SLC9A9: variants seen among roughly 807,000 people sequenced by gnomAD.
The protein encoded by SLC9A9 is solute carrier family 9 member A9.
Under a neutral mutation model 77.8 loss-of-function variants are expected in SLC9A9, and 62 were observed. That is an observed-to-expected ratio of 0.80 (90% CI 0.65 to 0.98). SLC9A9 has a LOEUF of 0.98. Among genes scored for constraint, SLC9A9 ranks in the 50% least tolerant of loss-of-function variants. The probability of loss-of-function intolerance (pLI) is 0.00; values close to 1 mark genes in which losing one functional copy is unlikely to be tolerated. For missense variants in SLC9A9, 775 were observed against 774.9 expected (o/e 1.00, Z 0.00); for synonymous variants, 320 against 283.5 (o/e 1.13, Z -1.29).
At chr3:143,594,400 T>C (rs1339769917) in intron 6 of SLC9A9, among the ~76,000 whole-genome samples, 8 of 152,224 alleles carry the variant, frequency 5.3e-5, no homozygotes, top group African/African-American at 1.9e-4. Flanking sequence ...ATGTATCTTA[T>C]TTACATTATT....
At chr3:143,528,127 T>C (rs2036436506) in intron 9 of SLC9A9, among the ~76,000 whole-genome samples, 2 of 152,214 alleles carry the variant, frequency 1.3e-5, no homozygotes, top group South Asian at 2.1e-4. Context: ...TTACTCAATG[T>C]AGAGAAAACT....
At chr3:143,701,901 A>G (rs1039507088) in intron 4 of SLC9A9, among the ~76,000 whole-genome samples, 1 of 152,150 alleles carries the variant, frequency 6.6e-6, no homozygotes, top group Admixed American at 6.5e-5. Flanking sequence ...TAAAGAAAGG[A>G]CCCTAAAAGC....
chr3:143,309,417 C>CA (rs10569058), intron 14 of SLC9A9, among the ~76,000 whole-genome samples: 11,061 of 137,222 alleles, frequency 0.081, 543 homozygotes, highest in Non-Finnish European at 0.12. Context: ...AACAGAAAAG[C>CA]AAAAAAAAAA....
chr3:143,401,136 T>C (rs1263044464), intron 12 of SLC9A9, among the ~76,000 whole-genome samples: 5 of 152,122 alleles, frequency 3.3e-5, no homozygotes, highest in African/African-American at 7.2e-5. Context: ...GTTTAGCCAA[T>C]AGGAAGTACT....
intron 9 of SLC9A9, among the ~76,000 whole-genome samples, chr3:143,515,517 T>C (rs748381764): frequency 6.6e-6 from 1 of 152,216 alleles, no homozygotes; most frequent in South Asian, 2.1e-4. Flanking sequence ...CACCAGCATA[T>C]ACGATGTTTT....
chr3:143,802,026 G>A (rs535709173), intron 2 of SLC9A9, among the ~76,000 whole-genome samples: 3 of 152,218 alleles, frequency 2.0e-5, no homozygotes, highest in South Asian at 2.1e-4. Context: ...CATTGCCCTC[G>A]GCAACGCTTA....
intron 11 of SLC9A9, among the ~76,000 whole-genome samples, chr3:143,471,956 G>A (rs2035384952): frequency 6.6e-6 from 1 of 152,194 alleles, no homozygotes; most frequent in Non-Finnish European, 1.5e-5. Flanking sequence ...TGCAGAAAAT[G>A]TGCAGCTTCC....
At chr3:143,322,283 C>A (rs1336194804) in intron 14 of SLC9A9, among the ~76,000 whole-genome samples, 1 of 152,058 alleles carries the variant, frequency 6.6e-6, no homozygotes, top group Non-Finnish European at 1.5e-5. Context: ...TGTGGGTGGA[C>A]CTCACCAGTT....
intron 2 of SLC9A9, among the ~76,000 whole-genome samples, chr3:143,821,383 C>T (rs1576751639): frequency 6.6e-6 from 1 of 152,072 alleles, no homozygotes; most frequent in East Asian, 1.9e-4. Flanking sequence ...AGAAATTAAC[C>T]CACCAAAGGT....
chr3:143,339,951 A>T (rs1011843479), intron 14 of SLC9A9, among the ~76,000 whole-genome samples: 1 of 152,192 alleles, frequency 6.6e-6, no homozygotes, highest in Non-Finnish European at 1.5e-5. Context: ...TAACTGACAT[A>T]AAAAAAGCAA....
chr3:143,585,658 C>T (rs898767642), intron 6 of SLC9A9, among the ~76,000 whole-genome samples: 18 of 152,200 alleles, frequency 1.2e-4, no homozygotes, highest in Non-Finnish European at 2.6e-4. Context: ...ATATTTTGGG[C>T]TAACATCGCC....
intron 13 of SLC9A9, among the ~76,000 whole-genome samples, chr3:143,366,520 C>T (rs1297638571): frequency 6.6e-6 from 1 of 152,188 alleles, no homozygotes; most frequent in African/African-American, 2.4e-5. Context: ...CATTGGGCTG[C>T]AGTTTCCTTG....
intron 9 of SLC9A9, among the ~76,000 whole-genome samples, chr3:143,511,213 A>G (rs1208357991): frequency 6.6e-6 from 1 of 152,206 alleles, no homozygotes; most frequent in Admixed American, 6.5e-5. Context: ...AAAGAGGGGA[A>G]GGAAGAAGTT....
chr3:143,359,469 G>A (rs2032680359), intron 14 of SLC9A9, among the ~76,000 whole-genome samples: 1 of 152,154 alleles, frequency 6.6e-6, no homozygotes, highest in Non-Finnish European at 1.5e-5. Flanking sequence ...TCTCACTGAT[G>A]AGTTGAATGA....
At chr3:143,273,849 G>A (rs1937966825) in intron 14 of SLC9A9, among the ~76,000 whole-genome samples, 1 of 152,172 alleles carries the variant, frequency 6.6e-6, no homozygotes, top group African/African-American at 2.4e-5. Context: ...AAGTGAATTT[G>A]GAATTCTCTG....
At chr3:143,463,043 A>T (rs1177593198) in intron 12 of SLC9A9, among the ~76,000 whole-genome samples, 1 of 152,224 alleles carries the variant, frequency 6.6e-6, no homozygotes, top group Non-Finnish European at 1.5e-5. Context: ...GCATTTTATT[A>T]TCTGATATCT....
At chr3:143,614,980 G>T (rs560127133) in intron 6 of SLC9A9, among the ~76,000 whole-genome samples, 119 of 152,270 alleles carry the variant, frequency 7.8e-4, no homozygotes, top group African/African-American at 2.8e-3. Context: ...GGGGTTCTTG[G>T]TATAGGCCCT....
chr3:143,726,049 T>C (rs1934642739), intron 4 of SLC9A9, among the ~76,000 whole-genome samples: 1 of 152,052 alleles, frequency 6.6e-6, no homozygotes, highest in Non-Finnish European at 1.5e-5. Flanking sequence ...ATTTACTGTA[T>C]AATTTTTACA....
chr3:143,502,549 A>G (rs2035939082), intron 9 of SLC9A9, among the ~76,000 whole-genome samples: 1 of 152,228 alleles, frequency 6.6e-6, no homozygotes. Context: ...ATCCACACAA[A>G]AAAATGTAAT....
Sources: allele counts gnomAD v4.1 joint callset (sites outside exome capture counted in the v4.1 genomes callset), GRCh38; gene constraint gnomAD v4.1.1; transcripts MANE v1.5; gene names NCBI Gene and HGNC (gene_info 2026-07-23, HGNC 2026-07-21).